The following ZFHX3 variants were observed in gnomAD, a reference collection of about 807,000 sequenced individuals.
The protein encoded by ZFHX3 is zinc finger homeobox protein 3.
A neutral mutation model predicts 279.1 loss-of-function variants in ZFHX3; 42 were observed. The ratio of observed to expected loss-of-function variants is 0.15; its 90% CI spans 0.12 to 0.19. ZFHX3 has a LOEUF of 0.19. ZFHX3 is among the 10% of genes least tolerant of loss of function. ZFHX3 has a pLI of 1.00. For missense variants in ZFHX3, 4,981 were observed against 4,754.0 expected (o/e 1.05, Z -1.40); for synonymous variants, 2,293 against 1,957.8 (o/e 1.17, Z -4.52).
At chr16:73,201,733 A>G (rs986839508) in intron 5 of ZFHX3, among the ~76,000 whole-genome samples, 4 of 152,224 alleles carry the variant, frequency 2.6e-5, no homozygotes, top group African/African-American at 9.6e-5. Flanking sequence ...ATGAAGATTC[A>G]CTATTTTTGT....
intron 4 of ZFHX3, among the ~76,000 whole-genome samples, chr16:72,836,274 T>G (rs758457586): frequency 3.9e-5 from 6 of 152,118 alleles, no homozygotes; most frequent in Non-Finnish European, 8.8e-5. Context: ...TGCCAGTGAC[T>G]CTCCATGAGC....
chr16:73,881,451 A>ACTCTCTCT (rs1226500279), intron 1 of ZFHX3, among the ~76,000 whole-genome samples: 2 of 79,840 alleles, frequency 2.5e-5, no homozygotes, highest in African/African-American at 1.2e-4. Context: ...ACACACACAC[A>ACTCTCTCT]CACTCTCTCT....
At chr16:73,362,901 G>A (rs1267586875) in intron 3 of ZFHX3, among the ~76,000 whole-genome samples, 1 of 152,232 alleles carries the variant, frequency 6.6e-6, no homozygotes, top group Admixed American at 6.5e-5. Flanking sequence ...TTATATACAA[G>A]TAAGAATTGC....
chr16:73,610,040 G>A (rs549221509), intron 2 of ZFHX3: 5 of 152,210 alleles, frequency 3.3e-5, no homozygotes, highest in East Asian at 1.9e-4. Context: ...GATTTCAAAC[G>A]GGCAATGTCC....
rs973225569 is a variant in ZFHX3, at chr16:73,652,411, A to T, written c.-1547+27769T>A. ...ACAAACAGTAATAGAGGAAATAAAG[A>T]CTTCTTTTAAACAAATAAAAACTGA... On this transcript the variant is annotated intron_variant, in intron 2 of 17. Transcript: ENST00000641206. Among the ~76,000 whole-genome samples the T allele has an allele frequency of 5.3e-5, 8 of 152,234 alleles. 1 individual carries two copies. Among genetic ancestry groups the T allele is most frequent in the Admixed American group, 5.2e-4 (8 of 15,284 alleles).
At chr16:73,647,376 G>A (rs1358292526) in intron 2 of ZFHX3, among the ~76,000 whole-genome samples, 3 of 152,174 alleles carry the variant, frequency 2.0e-5, no homozygotes, top group African/African-American at 7.2e-5. Flanking sequence ...GGTGAGAGGT[G>A]GCTGGATCAC....
At chr16:73,575,815 A>G (rs1375117056) in intron 2 of ZFHX3, among the ~76,000 whole-genome samples, 1 of 152,138 alleles carries the variant, frequency 6.6e-6, no homozygotes, top group African/African-American at 2.4e-5. Flanking sequence ...ACCTGGGGCC[A>G]TGTGAGTCTA....
At chr16:73,646,265 C>T (rs144139265) in intron 2 of ZFHX3, among the ~76,000 whole-genome samples, 1 of 152,108 alleles carries the variant, frequency 6.6e-6, no homozygotes, top group African/African-American at 2.4e-5. Flanking sequence ...GATTGATACA[C>T]ATTTACTGAT....
At chr16:73,446,102 C>G (rs1233002055) in intron 3 of ZFHX3, among the ~76,000 whole-genome samples, 1 of 152,132 alleles carries the variant, frequency 6.6e-6, no homozygotes, top group Non-Finnish European at 1.5e-5. Flanking sequence ...TTTGGCATAG[C>G]CTCAGTAACA....
At chr16:73,078,902 C>G (rs972065585) in intron 8 of ZFHX3, among the ~76,000 whole-genome samples, 6 of 151,494 alleles carry the variant, frequency 4.0e-5, no homozygotes, top group Non-Finnish European at 7.4e-5. Flanking sequence ...CCTCAGCCTC[C>G]CAAAGTGCTG....
intron 5 of ZFHX3, among the ~76,000 whole-genome samples, chr16:73,196,567 G>T (rs1236460924): frequency 6.6e-6 from 1 of 151,448 alleles, no homozygotes; most frequent in Admixed American, 6.6e-5. Context: ...CAACAGTAGT[G>T]TCCATCCTGG....
chr16:73,202,092 A>C (rs1451552440), intron 5 of ZFHX3, among the ~76,000 whole-genome samples: 1 of 152,180 alleles, frequency 6.6e-6, no homozygotes, highest in African/African-American at 2.4e-5. Flanking sequence ...AAGGCATTTA[A>C]ATGTAAAGAT....
chr16:73,248,900 T>TAAA (rs151273840), intron 5 of ZFHX3, among the ~76,000 whole-genome samples: 1 of 152,124 alleles, frequency 6.6e-6, no homozygotes, highest in East Asian at 1.9e-4. Flanking sequence ...TTTAAGACCC[T>TAAA]AAAAAAACTG....
At chr16:73,677,307 T>C (rs984568760) in intron 2 of ZFHX3, among the ~76,000 whole-genome samples, 2 of 151,926 alleles carry the variant, frequency 1.3e-5, no homozygotes, top group Non-Finnish European at 2.9e-5. Flanking sequence ...TTAGAGGCTA[T>C]CAGAATATCA....
At chr16:72,863,340 TAAAAAA>T (rs66692129) in intron 4 of ZFHX3, among the ~76,000 whole-genome samples, 3 of 64,630 alleles carry the variant, frequency 4.6e-5, no homozygotes, top group African/African-American at 7.4e-5. Context: ...TCATCTCTAC[TAAAAAA>T]AAAAAAAAAA....
intron 2 of ZFHX3, among the ~76,000 whole-genome samples, chr16:73,595,543 G>T (rs530025549): frequency 6.6e-6 from 1 of 152,180 alleles, no homozygotes; most frequent in African/African-American, 2.4e-5. Flanking sequence ...AGGCTCCTTG[G>T]TTCTGGGCTG....
intron 2 of ZFHX3, among the ~76,000 whole-genome samples, chr16:73,651,901 G>C (rs560386638): frequency 6.7e-6 from 1 of 150,246 alleles, no homozygotes; most frequent in Admixed American, 6.6e-5. Context: ...CTGACATCTT[G>C]ATAGCCACAA....
chr16:73,799,259 A>G (rs1051769812), intron 1 of ZFHX3, among the ~76,000 whole-genome samples: 6 of 152,256 alleles, frequency 3.9e-5, no homozygotes, highest in East Asian at 1.9e-4. Flanking sequence ...TACAATGACT[A>G]AATATGTAAT....
intron 1 of ZFHX3, among the ~76,000 whole-genome samples, chr16:73,040,988 G>A (rs1965090544): frequency 6.6e-6 from 1 of 152,166 alleles, no homozygotes; most frequent in South Asian, 2.1e-4. Flanking sequence ...AGGGTGTAAG[G>A]CCCATAGCAG....
Sources: allele counts gnomAD v4.1 joint callset (sites outside exome capture counted in the v4.1 genomes callset), GRCh38; gene constraint gnomAD v4.1.1; transcripts MANE v1.5; gene names NCBI Gene and HGNC (gene_info 2026-07-23, HGNC 2026-07-21).